DPYD: variants seen among roughly 807,000 people sequenced by gnomAD.
DPYD encodes dihydropyrimidine dehydrogenase [NADP(+)].
A neutral mutation model predicts 116.2 loss-of-function variants in DPYD; 109 were observed. The observed-to-expected ratio is 0.94, with a 90% CI of 0.80 to 1.10. The LOEUF is 1.10. DPYD is among the 50% of genes least tolerant of loss of function. DPYD has a pLI of 0.00. For missense variants in DPYD, 1,302 were observed against 1,254.5 expected (o/e 1.04, Z -0.57); for synonymous variants, 440 against 432.0 (o/e 1.02, Z -0.23).
chr1:97,090,142 G>A (rs1373482804), intron 21 of DPYD, among the ~76,000 whole-genome samples: 1 of 152,080 alleles, frequency 6.6e-6, no homozygotes. Context: ...GCTTGATCCA[G>A]GGATTATGTA....
chr1:97,310,193 T>C (rs1462011570), intron 16 of DPYD, among the ~76,000 whole-genome samples: 1 of 151,782 alleles, frequency 6.6e-6, no homozygotes, highest in Non-Finnish European at 1.5e-5. Flanking sequence ...TTATAAAATG[T>C]TTTTCACTAA....
At chr1:97,681,986 T>C (rs74935720) in intron 7 of DPYD, among the ~76,000 whole-genome samples, 2,945 of 152,200 alleles carry the variant, frequency 0.019, 46 homozygotes, top group Non-Finnish European at 0.028. Flanking sequence ...CCCATCCTTT[T>C]TGAGGTGGGT....
At chr1:97,752,224 T>C (rs1664969850) in intron 3 of DPYD, among the ~76,000 whole-genome samples, 1 of 151,912 alleles carries the variant, frequency 6.6e-6, no homozygotes, top group Non-Finnish European at 1.5e-5. Flanking sequence ...ACAAGTTTAT[T>C]TGGTAGTTTT....
At chr1:97,917,749 AC>A (rs1358074092) in intron 1 of DPYD, among the ~76,000 whole-genome samples, 1 of 152,204 alleles carries the variant, frequency 6.6e-6, no homozygotes, top group Non-Finnish European at 1.5e-5. Flanking sequence ...TATCAAAAGT[AC>A]TAGTATTCAA....
chr1:97,571,363 C>T (rs1254162298), intron 11 of DPYD, among the ~76,000 whole-genome samples: 1 of 151,604 alleles, frequency 6.6e-6, no homozygotes, highest in Admixed American at 6.6e-5. Flanking sequence ...TATTACTACG[C>T]TTTTTTTTAG....
intron 3 of DPYD, among the ~76,000 whole-genome samples, chr1:97,755,316 C>A (rs1453779005): frequency 6.6e-6 from 1 of 152,150 alleles, no homozygotes; most frequent in East Asian, 1.9e-4. Context: ...CCCTGAATCC[C>A]CCAGCTGTGA....
chr1:97,212,476 G>A (rs1048965524), intron 19 of DPYD, among the ~76,000 whole-genome samples: 6 of 151,902 alleles, frequency 3.9e-5, no homozygotes, highest in African/African-American at 1.5e-4. Context: ...AACCTGCTAG[G>A]GATTTAGACT....
At chr1:97,301,961 G>A (rs1666891679) in intron 18 of DPYD, among the ~76,000 whole-genome samples, 1 of 151,944 alleles carries the variant, frequency 6.6e-6, no homozygotes, top group Non-Finnish European at 1.5e-5. Context: ...AAATTAAACT[G>A]GGAAAAATAA....
chr1:97,307,246 C>T (rs1423108561), intron 16 of DPYD, among the ~76,000 whole-genome samples: 2 of 151,722 alleles, frequency 1.3e-5, no homozygotes, highest in East Asian at 1.9e-4. Flanking sequence ...AATTCATTAT[C>T]GAACTTGGTA....
At chr1:97,298,542 G>C (rs1374995709) in intron 18 of DPYD, among the ~76,000 whole-genome samples, 1 of 150,014 alleles carries the variant, frequency 6.7e-6, no homozygotes, top group Non-Finnish European at 1.5e-5. Flanking sequence ...CATAAATTAA[G>C]AATCTGATTT....
At chr1:97,501,629 T>C (rs1679590442) in intron 13 of DPYD, among the ~76,000 whole-genome samples, 1 of 151,882 alleles carries the variant, frequency 6.6e-6, no homozygotes, top group Admixed American at 6.6e-5. Context: ...GAGGATCACT[T>C]GAGCTCAGGA....
chr1:97,599,127 C>G (rs1655082310), intron 8 of DPYD, among the ~76,000 whole-genome samples: 1 of 152,204 alleles, frequency 6.6e-6, no homozygotes, highest in South Asian at 2.1e-4. Context: ...CTTCTCTTGT[C>G]AGCATTTTTG....
At chr1:97,406,289 TA>T (rs11366169) in intron 14 of DPYD, among the ~76,000 whole-genome samples, 113,274 of 143,784 alleles carry the variant, frequency 0.79, 46,486 homozygotes, top group Non-Finnish European at 0.91. Context: ...TTTTTTTTTT[TA>T]AAATTATTAA....
chr1:97,289,421 T>C (rs1022639500), intron 18 of DPYD, among the ~76,000 whole-genome samples: 2 of 152,056 alleles, frequency 1.3e-5, no homozygotes, highest in Non-Finnish European at 2.9e-5. Context: ...TGATGAACAT[T>C]GATGCAAAAA....
At chr1:97,472,258 T>C (rs1272582748) in intron 13 of DPYD, among the ~76,000 whole-genome samples, 1 of 152,106 alleles carries the variant, frequency 6.6e-6, no homozygotes, top group East Asian at 1.9e-4. Flanking sequence ...AACTAAAGGG[T>C]TTGAGGATAG....
At position 97,653,194 on chromosome 1, in the gene DPYD, G is replaced by A. The variant is rs181829076; in HGVS notation, c.850+25901C>T. Among the ~76,000 whole-genome samples the A allele has an allele frequency of 2.6e-5, 4 of 152,166 alleles. No individual in the cohort carries two copies. In the East Asian group the frequency reaches 5.8e-4, roughly 22 times the overall value. On this transcript the variant is annotated intron_variant, in intron 8 of 22. Coordinates refer to ENST00000370192, the MANE Select transcript of DPYD (RefSeq NM_000110.4). The stretch of plus-strand genomic sequence containing the variant: ...AATTCTTTACCGAAGGACAAGTATA[G>A]TGCATGGACAAATAATACCTTTCAA...
At chr1:97,130,793 CCCTCTCTCCCTCTTTCTTTCTTT>C (rs1653246087) in intron 20 of DPYD, among the ~76,000 whole-genome samples, 1 of 39,564 alleles carries the variant, frequency 2.5e-5, no homozygotes, top group African/African-American at 1.5e-4. Context: ...TTCCCTCCTT[CCCTCTCTCCCTCTTTCTTTCTTT>C]CTTCCTTTCT....
At chr1:97,549,293 G>A (rs779922326) in intron 12 of DPYD, among the ~76,000 whole-genome samples, 7 of 151,910 alleles carry the variant, frequency 4.6e-5, no homozygotes, top group Non-Finnish European at 8.8e-5. Flanking sequence ...CTTGAACACC[G>A]GGCTCAAGCA....
chr1:97,530,081 T>C (rs1649486918), intron 12 of DPYD, among the ~76,000 whole-genome samples: 1 of 152,110 alleles, frequency 6.6e-6, no homozygotes, highest in South Asian at 2.1e-4. Context: ...GCAGTATGTG[T>C]CCTTCTGTGA....
Sources: allele counts gnomAD v4.1 joint callset (sites outside exome capture counted in the v4.1 genomes callset), GRCh38; gene constraint gnomAD v4.1.1; transcripts MANE v1.5; gene names NCBI Gene and HGNC (gene_info 2026-07-23, HGNC 2026-07-21).